CDH4: variants seen among roughly 807,000 people sequenced by gnomAD.
The protein encoded by CDH4 is cadherin 4, also known as cadherin-4.
In CDH4, 33 loss-of-function variants were observed where a neutral mutation model predicts 86.0. The ratio of observed to expected loss-of-function variants is 0.38; its 90% CI spans 0.29 to 0.51. CDH4 has a LOEUF of 0.51. Ranked by LOEUF, CDH4 falls within the 20% of genes least tolerant of loss-of-function variation. The probability of loss-of-function intolerance (pLI) is 0.86; values close to 1 mark genes in which losing one functional copy is unlikely to be tolerated. For synonymous variants in CDH4, 555 were observed against 549.4 expected (o/e 1.01, Z -0.14); for missense variants, 1,114 against 1,307.4 (o/e 0.85, Z 2.28).
intron 2 of CDH4, among the ~76,000 whole-genome samples, chr20:61,524,393 G>T (rs2085895482): frequency 6.6e-6 from 1 of 152,176 alleles, no homozygotes; most frequent in Admixed American, 6.5e-5. Context: ...TTCAACCGTG[G>T]GCTTGGGTCA....
rs1174047338 is a variant in CDH4 at position 61,379,060 on chromosome 20, A to T, written c.169+124123A>T. Among the ~76,000 whole-genome samples the T allele has an allele frequency of 5.9e-5, 9 of 152,280 alleles. No homozygotes were observed. In the East Asian group the frequency reaches 1.7e-3, roughly 29 times the overall value. On this transcript the variant is annotated intron_variant, in intron 2 of 15. Coordinates refer to ENST00000614565, the MANE Select transcript of CDH4 (RefSeq NM_001794.5). ...GGTTTCTGTTTTCCACCTATGCAAAAGGGAGCGTGAGAATGCCGGGTAGGG... is the reference window on the plus strand; with the variant it reads ...GGTTTCTGTTTTCCACCTATGCAAATGGGAGCGTGAGAATGCCGGGTAGGG...
intron 2 of CDH4, among the ~76,000 whole-genome samples, chr20:61,526,317 C>T (rs963063679): frequency 2.0e-5 from 3 of 152,136 alleles, no homozygotes; most frequent in East Asian, 1.9e-4. Flanking sequence ...CAGAAGGAAA[C>T]GAAGCCCTTT....
At chr20:61,616,853 C>A (rs575797289) in intron 2 of CDH4, among the ~76,000 whole-genome samples, 8 of 152,176 alleles carry the variant, frequency 5.3e-5, no homozygotes, top group Non-Finnish European at 8.8e-5. Context: ...TGGCCCAGCA[C>A]GTAGACCTGG....
intron 2 of CDH4, among the ~76,000 whole-genome samples, chr20:61,665,617 A>C (rs1006207629): frequency 6.6e-6 from 1 of 152,182 alleles, no homozygotes; most frequent in Non-Finnish European, 1.5e-5. Flanking sequence ...TGGAGCATCC[A>C]CCAGCAGCGC....
intron 2 of CDH4, among the ~76,000 whole-genome samples, chr20:61,573,302 C>A (rs1428757040): frequency 6.6e-6 from 1 of 152,248 alleles, no homozygotes; most frequent in Non-Finnish European, 1.5e-5. Context: ...AGTCCAACGA[C>A]TGCACAGTCC....
chr20:61,400,071 G>C (rs62199085), intron 2 of CDH4, among the ~76,000 whole-genome samples: 8,864 of 152,304 alleles, frequency 0.058, 318 homozygotes, highest in Non-Finnish European at 0.067. Flanking sequence ...TCTCCCACAA[G>C]TGGGCTGTGG....
intron 2 of CDH4, among the ~76,000 whole-genome samples, chr20:61,304,959 C>T (rs1473434098): frequency 6.6e-6 from 1 of 150,878 alleles, no homozygotes; most frequent in East Asian, 1.9e-4. Flanking sequence ...TGTGTGTGTG[C>T]TTTGTGCATG....
intron 2 of CDH4, among the ~76,000 whole-genome samples, chr20:61,702,877 T>C (rs905841537): frequency 2.0e-5 from 3 of 152,258 alleles, no homozygotes; most frequent in Non-Finnish European, 2.9e-5. Context: ...GTCACCTTCC[T>C]GCAAAGCAAA....
At chr20:61,652,451 G>A (rs2087131725) in intron 2 of CDH4, among the ~76,000 whole-genome samples, 1 of 152,072 alleles carries the variant, frequency 6.6e-6, no homozygotes, top group Non-Finnish European at 1.5e-5. Context: ...TGAGATAACT[G>A]TCGTCTATTT....
intron 4 of CDH4, among the ~76,000 whole-genome samples, chr20:61,834,967 C>T (rs1180433127): frequency 2.6e-5 from 4 of 152,246 alleles, no homozygotes; most frequent in Admixed American, 6.5e-5. Flanking sequence ...GTCCAGACAC[C>T]GCTGGAGGCT....
intron 3 of CDH4, among the ~76,000 whole-genome samples, chr20:61,748,260 G>A (rs1231407658): frequency 6.6e-6 from 1 of 152,194 alleles, no homozygotes; most frequent in African/African-American, 2.4e-5. Context: ...AGCCTCCTGA[G>A]TAGCTGGGAT....
chr20:61,918,131 C>T lies in CDH4; in HGVS notation c.1375-5320C>T, dbSNP rs1318218668. ...GACAGCTCTGGGGGGGACCCCAACA[C>T]GATGTGGGTGCAGGCAGGTGCTGGG... On this transcript the variant is annotated intron_variant, in intron 9 of 15. Transcript: ENST00000614565. 6.6e-5 allele frequency among the ~76,000 whole-genome samples: 10 copies of T among 152,338 alleles called. No individual in the cohort carries two copies. In the South Asian group the frequency reaches 8.3e-4, roughly 13 times the overall value.
chr20:61,520,770 C>T (rs1037085584), intron 2 of CDH4, among the ~76,000 whole-genome samples: 6 of 152,210 alleles, frequency 3.9e-5, no homozygotes, highest in African/African-American at 7.2e-5. Flanking sequence ...AACAACCCCC[C>T]GTACTGCTTA....
At chr20:61,920,005 TCACA>T (rs2054952887) in intron 9 of CDH4, among the ~76,000 whole-genome samples, 2 of 24,776 alleles carry the variant, frequency 8.1e-5, no homozygotes, top group African/African-American at 1.4e-4. Flanking sequence ...AAGTGTGGTG[TCACA>T]GTGATTGCGT....
chr20:61,656,731 T>G (rs1444097512), intron 2 of CDH4, among the ~76,000 whole-genome samples: 1 of 152,164 alleles, frequency 6.6e-6, no homozygotes, highest in Non-Finnish European at 1.5e-5. Flanking sequence ...CCCAGGATCG[T>G]CCCCTGCATT....
chr20:61,920,047 A>T (rs201345227), intron 9 of CDH4, among the ~76,000 whole-genome samples: 1 of 4,486 alleles, frequency 2.2e-4, no homozygotes. Flanking sequence ...GTGTGGAAGC[A>T]TGGTATCGTG....
chr20:61,885,755 T>G (rs1984513334), intron 7 of CDH4, among the ~76,000 whole-genome samples: 1 of 152,204 alleles, frequency 6.6e-6, no homozygotes, highest in African/African-American at 2.4e-5. Flanking sequence ...CTAATCTTCA[T>G]GCCGGAGTCA....
chr20:61,620,905 C>T (rs1323262119), intron 2 of CDH4, among the ~76,000 whole-genome samples: 1 of 152,246 alleles, frequency 6.6e-6, no homozygotes, highest in Non-Finnish European at 1.5e-5. Flanking sequence ...TGAGTGCCCC[C>T]AGACTGCTGA....
At chr20:61,671,010 T>C (rs937746424) in intron 2 of CDH4, among the ~76,000 whole-genome samples, 1 of 152,212 alleles carries the variant, frequency 6.6e-6, no homozygotes, top group Non-Finnish European at 1.5e-5. Flanking sequence ...GAATTACATG[T>C]ACATATCAAA....
Sources: gnomAD v4.1 joint callset for allele counts (sites outside exome capture counted in the v4.1 genomes callset) on GRCh38, gnomAD v4.1.1 for gene constraint, MANE v1.5 for transcripts, NCBI Gene and HGNC (gene_info 2026-07-23, HGNC 2026-07-21) for gene names.